STIMATE: variants seen among roughly 807,000 people sequenced by gnomAD.
The protein encoded by STIMATE is store-operated calcium entry regulator STIMATE.
Under a neutral mutation model 36.7 loss-of-function variants are expected in STIMATE, and 15 were observed. That is an observed-to-expected ratio of 0.41 (90% confidence interval 0.27 to 0.63). The LOEUF (loss-of-function observed/expected upper bound fraction) is 0.63. STIMATE is among the 20% of genes least tolerant of loss of function. The pLI, the probability that STIMATE is intolerant of heterozygous loss-of-function variation, is 0.32. For missense variants in STIMATE, 305 were observed against 397.3 expected (o/e 0.77, Z 1.98); for synonymous variants, 163 against 162.3 (o/e 1.00, Z -0.03).
intron 1 of STIMATE, among the ~76,000 whole-genome samples, chr3:52,883,568 T>A (rs1701644094): frequency 6.6e-6 from 1 of 152,212 alleles, no homozygotes; most frequent in South Asian, 2.1e-4. Context: ...GGAAATCCAA[T>A]TACACGTTAG....
intron 1 of STIMATE, among the ~76,000 whole-genome samples, chr3:52,866,950 A>G (rs1701323534): frequency 6.6e-6 from 1 of 152,134 alleles, no homozygotes; most frequent in Non-Finnish European, 1.5e-5. Context: ...GGATAGGGGG[A>G]ATGTGGTGGG....
At chr3:52,887,279 T>A (rs925452273) in intron 1 of STIMATE, among the ~76,000 whole-genome samples, 1 of 152,208 alleles carries the variant, frequency 6.6e-6, no homozygotes, top group African/African-American at 2.4e-5. Flanking sequence ...TCCTTCCACC[T>A]CCCAAGATCT....
intron 1 of STIMATE, among the ~76,000 whole-genome samples, chr3:52,870,168 G>C (rs1373879641): frequency 6.6e-6 from 1 of 152,184 alleles, no homozygotes; most frequent in Non-Finnish European, 1.5e-5. Context: ...ATGTTGGCCA[G>C]GCTGGTCCTG....
chr3:52,855,398 T>C lies in STIMATE; in HGVS notation c.207A>G (p.Ile69Met). The part of the protein sequence containing the change: ...EPKHERRPWR[I>M]WFLDTSKQAI... ...TGAACTAATACCTAAACACATACCA[T>C]ATCCTCCACGGACGTCTTTCATGCT... The change falls in exon 2 of 8, where the codon ATA becomes ATG. Residue 69 changes from isoleucine to methionine, a missense_variant and splice_region_variant. Transcript: ENST00000355083. 1 of 1,407,958 alleles carries C rather than the reference T, an allele frequency of 7.1e-7. No homozygotes were observed. Among genetic ancestry groups the C allele is most frequent in the Middle Eastern group, 2.0e-4 (1 of 5,008 alleles). 87.2% of individuals were successfully genotyped at this position (1,407,958 alleles called of 1,614,324 possible).
chr3:52,869,838 G>T (rs1218009002), intron 1 of STIMATE, among the ~76,000 whole-genome samples: 1 of 152,198 alleles, frequency 6.6e-6, no homozygotes, highest in Admixed American at 6.5e-5. Context: ...CTTTAGAGCC[G>T]ACTGTGGGAC....
At chr3:52,846,731 C>T (rs1302693218) in intron 4 of STIMATE, among the ~76,000 whole-genome samples, 1 of 152,216 alleles carries the variant, frequency 6.6e-6, no homozygotes, top group African/African-American at 2.4e-5. Context: ...CCCCGTCTGG[C>T]ACACCATTTC....
intron 3 of STIMATE, among the ~76,000 whole-genome samples, chr3:52,850,619 G>A (rs192338417): frequency 1.3e-5 from 2 of 152,350 alleles, no homozygotes; most frequent in African/African-American, 4.8e-5. Context: ...CAGTGCTGCT[G>A]CACCAGAGAG....
At chr3:52,874,174 G>A (rs1224076280) in intron 1 of STIMATE, among the ~76,000 whole-genome samples, 1 of 152,204 alleles carries the variant, frequency 6.6e-6, no homozygotes, top group Non-Finnish European at 1.5e-5. Context: ...TCCATCGATA[G>A]GGAAGGGGTT....
chr3:52,860,093 A>T (rs1575334096), intron 1 of STIMATE, among the ~76,000 whole-genome samples: 1 of 142,536 alleles, frequency 7.0e-6, no homozygotes, highest in Admixed American at 7.1e-5. Flanking sequence ...AAATACTAAG[A>T]GAGCTTCTCC....
At chr3:52,847,373 G>A (rs1291962363) in intron 4 of STIMATE, 2 of 1,246,586 alleles carry the variant, frequency 1.6e-6, no homozygotes, top group East Asian at 5.7e-5. Flanking sequence ...GCCAGGGATG[G>A]GCAGCAAGAC....
At position 52,887,998 on chromosome 3, in the gene STIMATE, T is replaced by TTG. The variant is rs200904212; in HGVS notation, c.160+9292_160+9293insCA. ...TAACTTCATATAACAGAATCAGTTT[T>TTG]TTTTTTTTTTTTTTTTTTTTTTTGC... On this transcript the variant is annotated intron_variant, in intron 1 of 7. Transcript: ENST00000355083. 2.4e-4 allele frequency among the ~76,000 whole-genome samples: 29 copies of TTG among 119,290 alleles called. 1 individual carries two copies. Among genetic ancestry groups the TTG allele is most frequent in the African/African-American group, 7.5e-4 (25 of 33,336 alleles). 78.3% of individuals were successfully genotyped at this position (119,290 alleles called of 152,430 possible). A position where few individuals can be genotyped will look rare whatever the true frequency, so the allele number is the denominator to read the frequency against.
At chr3:52,847,697 C>A in intron 4 of STIMATE, 1 of 517,614 alleles carries the variant, frequency 1.9e-6, no homozygotes, top group South Asian at 1.7e-5. Context: ...TGCCTACATC[C>A]AAATCCCTGG....
chr3:52,844,937 G>T lies in STIMATE; in HGVS notation c.432C>A (p.Asp144Glu). 6.2e-7 allele frequency: 1 copy of T among 1,613,522 alleles called. No homozygotes were observed. The highest frequency in any genetic ancestry group is 1.1e-5 in the South Asian group (1 of 91,072). The change falls in exon 5 of 8, where the codon GAC (aspartate) becomes GAA (glutamate). Residue 144 changes from aspartate to glutamate, a missense_variant. By Grantham distance (45) the Asp-to-Glu change is conservative. Coordinates refer to ENST00000355083, the MANE Select transcript of STIMATE (RefSeq NM_198563.5). ...WESLRFGEYG[D>E]PLQCGAWVGQ... ...CGACCCAGGCTCCACACTGCAGAGGGTCTCCTGCAGGGACAGGCGGGTGCT... is the reference window on the plus strand; with the variant it reads ...CGACCCAGGCTCCACACTGCAGAGGTTCTCCTGCAGGGACAGGCGGGTGCT...
intron 1 of STIMATE, among the ~76,000 whole-genome samples, chr3:52,866,052 T>C (rs1701304268): frequency 6.6e-6 from 1 of 152,200 alleles, no homozygotes; most frequent in Non-Finnish European, 1.5e-5. Context: ...TATGAGCTGC[T>C]GCCGCGAATG....
chr3:52,846,347 CT>C (rs1700901263), intron 4 of STIMATE: 1 of 152,184 alleles, frequency 6.6e-6, no homozygotes, highest in Non-Finnish European at 1.5e-5. Flanking sequence ...GTCACCTAAC[CT>C]TATCGAGAAC....
At chr3:52,892,797 C>T (rs78963256) in intron 1 of STIMATE, among the ~76,000 whole-genome samples, 2,622 of 152,284 alleles carry the variant, frequency 0.017, 71 homozygotes, top group African/African-American at 0.059. Flanking sequence ...ACCTTATTAA[C>T]ACTAATAGTG....
At chr3:52,887,999 T>TTG (rs1701719660) in intron 1 of STIMATE, among the ~76,000 whole-genome samples, 1 of 130,124 alleles carries the variant, frequency 7.7e-6, no homozygotes, top group Admixed American at 7.6e-5. Flanking sequence ...AATCAGTTTT[T>TTG]TTTTTTTTTT....
chr3:52,883,209 C>G (rs1465862122), intron 1 of STIMATE, among the ~76,000 whole-genome samples: 1 of 152,186 alleles, frequency 6.6e-6, no homozygotes, highest in Non-Finnish European at 1.5e-5. Context: ...GTATTTCTCA[C>G]CGGCTATAGA....
chr3:52,865,675 G>A (rs955892126), intron 1 of STIMATE, among the ~76,000 whole-genome samples: 1 of 152,168 alleles, frequency 6.6e-6, no homozygotes, highest in Non-Finnish European at 1.5e-5. Context: ...CCACCCCAAC[G>A]TGGGAATTAT....
Sources: allele counts gnomAD v4.1 joint callset (sites outside exome capture counted in the v4.1 genomes callset), GRCh38; gene constraint gnomAD v4.1.1; transcripts MANE v1.5; gene names NCBI Gene and HGNC (gene_info 2026-07-23, HGNC 2026-07-21).